Variants in LARS1 observed in about 807,000 individuals in gnomAD.
LARS1 encodes leucine--tRNA ligase, cytoplasmic.
In LARS1, 100 loss-of-function variants were observed where a neutral mutation model predicts 162.8. That is an observed-to-expected ratio of 0.61 (90% CI 0.52 to 0.73). The LOEUF is 0.73. LARS1 is among the 30% of genes least tolerant of loss of function. LARS1 has a pLI of 0.00. For synonymous variants in LARS1, 457 were observed against 462.8 expected (o/e 0.99, Z 0.16); for missense variants, 1,258 against 1,408.9 (o/e 0.89, Z 1.71).
At chr5:146,147,490 T>C (rs1753063910) in intron 15 of LARS1, among the ~76,000 whole-genome samples, 2 of 152,136 alleles carry the variant, frequency 1.3e-5, no homozygotes, top group Admixed American at 6.6e-5. Flanking sequence ...TGATAGGTAT[T>C]ACAGGAATTT....
At chr5:146,143,242 G>T in intron 19 of LARS1, 158 bp from the exon 20 acceptor site, 1 of 882,880 alleles carries the variant, frequency 1.1e-6, no homozygotes, top group Non-Finnish European at 1.7e-6. Context: ...AAGAATAGAT[G>T]ATGACAGTAA....
chr5:146,139,058 A>AAAAT, intron 21 of LARS1: 1 of 285,974 alleles, frequency 3.5e-6, no homozygotes, highest in Non-Finnish European at 6.6e-6. Flanking sequence ...AAAAAAAAAA[A>AAAAT]ATGGCCGAGT....
intron 31 of LARS1, among the ~76,000 whole-genome samples, chr5:146,115,581 CA>C (rs58644900): frequency 0.021 from 433 of 20,596 alleles, 1 homozygote; most frequent in South Asian, 0.026. Context: ...AGCGCCTGAC[CA>C]AAAAAAAAAA....
intron 20 of LARS1, 42 bp from the exon 21 acceptor site, chr5:146,140,303 AGAT>A (rs1752715925): frequency 2.0e-6 from 3 of 1,521,576 alleles, no homozygotes; most frequent in African/African-American, 2.7e-5. Context: ...AAAAAAACAA[AGAT>A]GATAGTTCTG....
chr5:146,151,766 C>T, intron 14 of LARS1, 96 bp downstream of exon 14: 1 of 1,156,286 alleles, frequency 8.6e-7, no homozygotes, highest in South Asian at 1.4e-5. Flanking sequence ...CAATGTATAG[C>T]TGAAACTATG....
chr5:146,132,785 T>C (rs1368857825), intron 23 of LARS1, 113 bp downstream of exon 23: 24 of 773,078 alleles, frequency 3.1e-5, no homozygotes, highest in Non-Finnish European at 4.8e-5. Context: ...TAGCTATTAT[T>C]ATCATTAGTT....
chr5:146,160,971 G>A (rs1361554536), intron 6 of LARS1, among the ~76,000 whole-genome samples: 1 of 152,112 alleles, frequency 6.6e-6, no homozygotes, highest in East Asian at 1.9e-4. Context: ...TTAGGAATTG[G>A]TCCAAATCTC....
intron 27 of LARS1, among the ~76,000 whole-genome samples, 158 bp downstream of exon 27, chr5:146,128,514 G>A (rs1481804349): frequency 2.6e-5 from 4 of 151,630 alleles, no homozygotes; most frequent in Non-Finnish European, 5.9e-5. Context: ...ATCCATTTAA[G>A]AGCCACCAAG....
chr5:146,114,356 C>T, intron 31 of LARS1, 45 bp from the exon 32 acceptor site: 4 of 1,494,024 alleles, frequency 2.7e-6, no homozygotes, highest in African/African-American at 2.8e-5. Context: ...ATTACAGTCA[C>T]TCAAACCCTG....
chr5:146,119,855 G>C (rs533397371), intron 31 of LARS1, among the ~76,000 whole-genome samples: 1 of 152,194 alleles, frequency 6.6e-6, no homozygotes, highest in Non-Finnish European at 1.5e-5. Flanking sequence ...AAGTTACTTA[G>C]CCTTTTTAGC....
Position 146,132,945 on chromosome 5 carries a change from G to A in LARS1, c.2349C>T (p.Ser783=). Residue 783 remains serine (S), a synonymous_variant, in exon 23 of 32, where the codon AGC becomes AGT. Coordinates refer to ENST00000394434, the MANE Select transcript of LARS1 (RefSeq NM_020117.11). ...AAGTGCTGGCAGGACCACTTCTTAG[G>A]CTGTCCCAGTTGGCAACCATTTCTT... ...WVKEMVANWD[S]LRSGPASTFN... is the part of the protein sequence containing the mutation. 2 of 1,614,064 alleles carry A rather than the reference G, an allele frequency of 1.2e-6. No individual in the cohort carries two copies. The highest frequency in any genetic ancestry group is 1.7e-6 in the Non-Finnish European group (2 of 1,179,976).
chr5:146,170,482 G>A (rs983399168), intron 4 of LARS1, among the ~76,000 whole-genome samples: 1 of 149,964 alleles, frequency 6.7e-6, no homozygotes, highest in African/African-American at 2.5e-5. Context: ...AAAAAAAAAA[G>A]GGGGGAAAAA....
chr5:146,156,909 C>T lies in LARS1; in HGVS notation c.1065+494G>A, dbSNP rs1222784790. 3.3e-5 allele frequency among the ~76,000 whole-genome samples: 5 copies of T among 152,128 alleles called. No homozygotes were observed. The East Asian group carries it at 7.7e-4, about 23-fold the overall frequency. On this transcript the variant is annotated intron_variant, in intron 10 of 31. Coordinates refer to ENST00000394434, the MANE Select transcript of LARS1 (RefSeq NM_020117.11). ...GGGGAGGACTGCCTATATTTTTCAA[C>T]CAGATATTTACCGAGTTGAAACCTA...
chr5:146,168,071 A>G (rs1754097218), intron 5 of LARS1, 57 bp downstream of exon 5: 3 of 1,441,800 alleles, frequency 2.1e-6, no homozygotes. Flanking sequence ...GGGAATGCAC[A>G]TATAAATCAG....
chr5:146,130,341 T>C (rs1216370932), intron 24 of LARS1, 183 bp from the exon 25 acceptor site: 3 of 638,566 alleles, frequency 4.7e-6, no homozygotes, highest in Non-Finnish European at 5.2e-6. Flanking sequence ...CCAAAGTATA[T>C]GGCAGTTTTA....
At chr5:146,146,361 G>A (rs1468143416) in intron 15 of LARS1, among the ~76,000 whole-genome samples, 2 of 134,126 alleles carry the variant, frequency 1.5e-5, no homozygotes, top group African/African-American at 5.1e-5. Flanking sequence ...AAAAGAAAGA[G>A]AAGAGAGAGA....
intron 1 of LARS1, 42 bp from the exon 2 acceptor site, chr5:146,177,707 C>T (rs371040610): frequency 9.3e-5 from 98 of 1,059,438 alleles, no homozygotes; most frequent in Non-Finnish European, 1.3e-4. Flanking sequence ...TATTTCAGCA[C>T]GCTTGCTTTA....
Position 146,114,126 on chromosome 5 carries a change from T to C in LARS1, c.3511A>G (p.Ile1171Val), listed in dbSNP as rs1205076691. The change falls in exon 32 of 32, where the codon ATA (isoleucine) becomes GTA (valine). Residue 1171 changes from isoleucine to valine, a missense_variant. Ile to Val is a conservative substitution (Grantham distance 29). Transcript: ENST00000394434. ...TGAGTTTAATGAACCAGATAGATTA[T>C]TGTATCGCCAATATCCACCCTTATC... ...NGIRVDIGDT[I>V]IYLVH is the part of the protein sequence containing the mutation. The C allele has an allele frequency of 5.0e-6, 8 of 1,613,422 alleles. No individual in the cohort carries two copies. Among genetic ancestry groups the C allele is most frequent in the South Asian group, 4.4e-5 (4 of 91,036 alleles).
At chr5:146,143,772 G>A (rs1752891278) in intron 18 of LARS1, among the ~76,000 whole-genome samples, 1 of 152,214 alleles carries the variant, frequency 6.6e-6, no homozygotes, top group Non-Finnish European at 1.5e-5. Flanking sequence ...GCCAAGGCAG[G>A]TGGATCACCT....
Sources: gnomAD v4.1 joint callset for allele counts (sites outside exome capture counted in the v4.1 genomes callset) on GRCh38, gnomAD v4.1.1 for gene constraint, MANE v1.5 for transcripts, NCBI Gene and HGNC (gene_info 2026-07-23, HGNC 2026-07-21) for gene names.